FHIT: variants seen among roughly 807,000 people sequenced by gnomAD.
FHIT encodes the protein bis(5'-adenosyl)-triphosphatase.
In FHIT, 19 loss-of-function variants were observed where a neutral mutation model predicts 17.9. The observed-to-expected ratio is 1.06, with a 90% confidence interval of 0.74 to 1.56. The LOEUF is 1.56. Ranked by LOEUF, FHIT falls within the 40% of genes most tolerant of loss-of-function variation. The pLI is 0.00. For missense variants in FHIT, 248 were observed against 189.2 expected (o/e 1.31, Z -1.82); for synonymous variants, 81 against 69.7 (o/e 1.16, Z -0.81).
At chr3:60,071,145 C>G (rs901652702) in intron 5 of FHIT, among the ~76,000 whole-genome samples, 1 of 152,082 alleles carries the variant, frequency 6.6e-6, no homozygotes, top group African/African-American at 2.4e-5. Context: ...AGTAGAGCCA[C>G]CAGCCACATG....
intron 4 of FHIT, among the ~76,000 whole-genome samples, chr3:60,664,528 T>A (rs2040336332): frequency 6.6e-6 from 1 of 152,014 alleles, no homozygotes; most frequent in African/African-American, 2.4e-5. Context: ...TCTTCTATTT[T>A]CTAGAAAAGA....
At chr3:60,499,083 A>G (rs1233792040) in intron 5 of FHIT, among the ~76,000 whole-genome samples, 1 of 152,174 alleles carries the variant, frequency 6.6e-6, no homozygotes, top group Non-Finnish European at 1.5e-5. Flanking sequence ...TCGAGATTCC[A>G]TGAGTGACCA....
rs566823170 is a variant in FHIT, at chr3:60,955,695, A to G, written c.-111+86352T>C. On this transcript the variant is annotated intron_variant, in intron 3 of 9. Coordinates refer to ENST00000492590, the MANE Select transcript of FHIT (RefSeq NM_002012.4). ...TCAAAATGATAAAAGAAAAGCAAGG[A>G]AAACATGAATGGATACTTCATCCAG... Among the ~76,000 whole-genome samples, 10 of 146,620 alleles carry G rather than the reference A, an allele frequency of 6.8e-5. No individual in the cohort carries two copies. The South Asian group carries it at 1.9e-3, about 28-fold the overall frequency.
intron 2 of FHIT, among the ~76,000 whole-genome samples, chr3:61,136,491 T>G (rs1281782930): frequency 2.0e-5 from 3 of 151,876 alleles, no homozygotes; most frequent in Admixed American, 1.3e-4. Context: ...CAGAGGAAAA[T>G]GTGGCTATGT....
At chr3:60,635,014 G>T (rs1321400694) in intron 4 of FHIT, among the ~76,000 whole-genome samples, 1 of 152,172 alleles carries the variant, frequency 6.6e-6, no homozygotes, top group Non-Finnish European at 1.5e-5. Flanking sequence ...TAGAGCTACT[G>T]CATGCCCCAC....
intron 4 of FHIT, among the ~76,000 whole-genome samples, chr3:60,721,737 T>G (rs1420868748): frequency 6.6e-6 from 1 of 152,086 alleles, no homozygotes; most frequent in Admixed American, 6.6e-5. Flanking sequence ...ATAATGACAA[T>G]TTTACAATAA....
chr3:60,536,604 C>A (rs2035988964), intron 5 of FHIT: 1 of 366,890 alleles, frequency 2.7e-6, no homozygotes, highest in Admixed American at 4.5e-5. Context: ...CAAAAATTCA[C>A]CTCCAAAGCC....
intron 4 of FHIT, among the ~76,000 whole-genome samples, chr3:60,811,522 T>G (rs1553736025): frequency 6.6e-6 from 1 of 152,230 alleles, no homozygotes; most frequent in Non-Finnish European, 1.5e-5. Flanking sequence ...TTAGCAGATT[T>G]GTTTCCTGAT....
intron 8 of FHIT, among the ~76,000 whole-genome samples, chr3:59,820,394 C>T (rs142661775): frequency 6.6e-6 from 1 of 152,300 alleles, no homozygotes; most frequent in Non-Finnish European, 1.5e-5. Context: ...TGCCTAGGCC[C>T]CAGGGCACCA....
chr3:59,799,540 C>G (rs544837702), intron 8 of FHIT, among the ~76,000 whole-genome samples: 18 of 152,300 alleles, frequency 1.2e-4, no homozygotes, highest in African/African-American at 4.3e-4. Flanking sequence ...TGGAAACCAG[C>G]TGGCACCTGT....
At chr3:60,858,717 T>C (rs537289243) in intron 3 of FHIT, among the ~76,000 whole-genome samples, 5 of 152,274 alleles carry the variant, frequency 3.3e-5, no homozygotes, top group African/African-American at 1.2e-4. Context: ...ATTACTTAAA[T>C]AGGACAGAAA....
chr3:60,418,413 TATATATATATATAC>T (rs1438081026), intron 5 of FHIT, among the ~76,000 whole-genome samples: 24,749 of 103,998 alleles, frequency 0.24, 5,141 homozygotes, highest in East Asian at 0.33. Context: ...TATATATATA[TATATATATATATAC>T]GTGTATACAC....
chr3:60,474,221 T>C (rs1055369995), intron 5 of FHIT, among the ~76,000 whole-genome samples: 2 of 152,230 alleles, frequency 1.3e-5, no homozygotes, highest in African/African-American at 4.8e-5. Flanking sequence ...TCTTCTGGTA[T>C]AGCAAAGCCT....
chr3:60,157,456 G>C (rs1051288564), intron 5 of FHIT, among the ~76,000 whole-genome samples: 3 of 152,090 alleles, frequency 2.0e-5, no homozygotes, highest in African/African-American at 7.2e-5. Context: ...GTCCCTTCTA[G>C]TTTGAATATT....
chr3:59,913,666 A>G (rs1268676790), intron 8 of FHIT, among the ~76,000 whole-genome samples: 1 of 152,188 alleles, frequency 6.6e-6, no homozygotes, highest in Non-Finnish European at 1.5e-5. Flanking sequence ...ATTTTTCATT[A>G]GTGCTCTCCC....
At chr3:61,192,513 C>T (rs2038745589) in intron 2 of FHIT, among the ~76,000 whole-genome samples, 1 of 152,224 alleles carries the variant, frequency 6.6e-6, no homozygotes, top group Non-Finnish European at 1.5e-5. Context: ...TCAATCATGA[C>T]ATCCCTGGGG....
intron 4 of FHIT, among the ~76,000 whole-genome samples, chr3:60,594,397 C>T (rs970377481): frequency 3.9e-5 from 6 of 152,120 alleles, no homozygotes; most frequent in Non-Finnish European, 7.4e-5. Flanking sequence ...AGAAACCAGT[C>T]GAGGAAACCA....
At chr3:61,175,576 C>A (rs2038133163) in intron 2 of FHIT, among the ~76,000 whole-genome samples, 3 of 152,008 alleles carry the variant, frequency 2.0e-5, no homozygotes, top group Non-Finnish European at 2.9e-5. Context: ...CCCAGTGCAA[C>A]AGTATTGGGA....
At chr3:61,111,275 A>G (rs553450080) in intron 2 of FHIT, among the ~76,000 whole-genome samples, 1 of 152,316 alleles carries the variant, frequency 6.6e-6, no homozygotes, top group African/African-American at 2.4e-5. Flanking sequence ...TCAGGCAGGC[A>G]GGCATGGGAT....
Sources: gnomAD v4.1 joint callset for allele counts (sites outside exome capture counted in the v4.1 genomes callset) on GRCh38, gnomAD v4.1.1 for gene constraint, MANE v1.5 for transcripts, NCBI Gene and HGNC (gene_info 2026-07-23, HGNC 2026-07-21) for gene names.